IPCEF1: variants seen among roughly 807,000 people sequenced by gnomAD.
IPCEF1 encodes interactor protein for cytohesin exchange factors 1.
Under a neutral mutation model 50.9 loss-of-function variants are expected in IPCEF1, and 31 were observed. That is an observed-to-expected ratio of 0.61 (90% CI 0.46 to 0.82). The LOEUF is 0.82. IPCEF1 is among the 40% of genes least tolerant of loss of function. The probability of loss-of-function intolerance (pLI) is 0.00; values close to 1 mark genes in which losing one functional copy is unlikely to be tolerated. For missense variants in IPCEF1, 458 were observed against 514.0 expected, an observed-to-expected ratio of 0.89 and a Z score of 1.05; for synonymous variants, 181 against 192.0, an observed-to-expected ratio of 0.94 and a Z score of 0.47.
At chr6:154,256,359 A>G (rs1322685824) in intron 3 of IPCEF1, among the ~76,000 whole-genome samples, 1 of 152,164 alleles carries the variant, frequency 6.6e-6, no homozygotes, top group Non-Finnish European at 1.5e-5. Context: ...AAATCATTAC[A>G]TTGGGGATTA....
At chr6:154,176,904 A>G (rs1211619781) in intron 10 of IPCEF1, among the ~76,000 whole-genome samples, 2 of 152,258 alleles carry the variant, frequency 1.3e-5, no homozygotes, top group African/African-American at 2.4e-5. Context: ...ACAAGGCCAC[A>G]GTAACCAAAA....
At chr6:154,162,146 T>G (rs183973132) in intron 11 of IPCEF1, among the ~76,000 whole-genome samples, 19 of 152,240 alleles carry the variant, frequency 1.2e-4, no homozygotes, top group African/African-American at 4.6e-4. Context: ...TAAAGGCCAA[T>G]CCCTCCACTT....
intron 3 of IPCEF1, among the ~76,000 whole-genome samples, chr6:154,248,306 C>CGTGTGTGTGTGTGTGTGT (rs58415100): frequency 1.4e-5 from 2 of 147,242 alleles, no homozygotes; most frequent in African/African-American, 5.0e-5. Flanking sequence ...CTTTAAAATA[C>CGTGTGTGTGTGTGTGTGT]GTGTGTGTGT....
At chr6:154,273,050 G>A (rs1444164046) in intron 2 of IPCEF1, among the ~76,000 whole-genome samples, 1 of 152,206 alleles carries the variant, frequency 6.6e-6, no homozygotes, top group African/African-American at 2.4e-5. Flanking sequence ...GTGATTTAGA[G>A]ACGATTTTCC....
intron 9 of IPCEF1, among the ~76,000 whole-genome samples, chr6:154,202,886 A>G (rs1777186074): frequency 6.6e-6 from 1 of 152,218 alleles, no homozygotes; most frequent in Non-Finnish European, 1.5e-5. Context: ...AAGAAACACG[A>G]AGACTTGGAG....
At chr6:154,247,050 A>C (rs1477793433) in intron 4 of IPCEF1, 1 of 411,938 alleles carries the variant, frequency 2.4e-6, no homozygotes, top group Non-Finnish European at 4.3e-6. Context: ...TGCAAGTATT[A>C]GTCTAAGAAT....
At chr6:154,281,884 A>T (rs1244620739) in intron 2 of IPCEF1, among the ~76,000 whole-genome samples, 1 of 152,160 alleles carries the variant, frequency 6.6e-6, no homozygotes, top group Non-Finnish European at 1.5e-5. Context: ...CACACCTGTA[A>T]TCCCAGCTAC....
At chr6:154,261,468 C>T (rs765187359) in intron 3 of IPCEF1, among the ~76,000 whole-genome samples, 9 of 152,158 alleles carry the variant, frequency 5.9e-5, no homozygotes, top group Non-Finnish European at 1.3e-4. Flanking sequence ...GGGCCAGAGA[C>T]AAAAGCCCAG....
intron 3 of IPCEF1, chr6:154,247,783 T>C (rs964202506): frequency 6.2e-6 from 2 of 320,208 alleles, no homozygotes; most frequent in African/African-American, 4.3e-5. Context: ...GATAGCACAG[T>C]GTTCACGGAA....
At chr6:154,296,828 CA>C (rs200689361) in intron 1 of IPCEF1, among the ~76,000 whole-genome samples, 12,826 of 74,774 alleles carry the variant, frequency 0.17, 776 homozygotes, top group East Asian at 0.42. Flanking sequence ...GACTCCGTCT[CA>C]AAAAAAAAAA....
intron 5 of IPCEF1, among the ~76,000 whole-genome samples, chr6:154,231,868 C>A (rs1024645164): frequency 6.6e-6 from 1 of 152,002 alleles, no homozygotes; most frequent in Non-Finnish European, 1.5e-5. Context: ...AAGCAATTCT[C>A]GAAATTAAAA....
chr6:154,193,313 G>C (rs1802098313), intron 10 of IPCEF1, among the ~76,000 whole-genome samples: 1 of 152,174 alleles, frequency 6.6e-6, no homozygotes, highest in South Asian at 2.1e-4. Flanking sequence ...TGGGAGCTAA[G>C]CTATGAGGAT....
intron 9 of IPCEF1, among the ~76,000 whole-genome samples, chr6:154,202,218 T>C (rs1356123975): frequency 6.6e-6 from 1 of 152,136 alleles, no homozygotes; most frequent in East Asian, 1.9e-4. Flanking sequence ...TAATCACATA[T>C]CTTCTCAATA....
intron 1 of IPCEF1, among the ~76,000 whole-genome samples, chr6:154,340,464 T>G (rs1783887194): frequency 6.6e-6 from 1 of 151,718 alleles, no homozygotes; most frequent in African/African-American, 2.4e-5. Context: ...TTGGCCAGGC[T>G]AGTCTCAAAC....
intron 1 of IPCEF1, among the ~76,000 whole-genome samples, chr6:154,329,615 A>AAG (rs1008843548): frequency 6.6e-5 from 10 of 151,772 alleles, no homozygotes; most frequent in African/African-American, 2.2e-4. Context: ...AAAAGAAAGA[A>AAG]AGAGAGAGAG....
intron 10 of IPCEF1, among the ~76,000 whole-genome samples, chr6:154,172,290 G>A (rs1287735723): frequency 6.6e-6 from 1 of 152,222 alleles, no homozygotes; most frequent in Admixed American, 6.5e-5. Context: ...GGACTGGTTG[G>A]ACAGTGGGTG....
chr6:154,171,223 T>C (rs977480341), intron 10 of IPCEF1, among the ~76,000 whole-genome samples: 1 of 152,152 alleles, frequency 6.6e-6, no homozygotes, highest in Non-Finnish European at 1.5e-5. Flanking sequence ...TAAATGTTCA[T>C]CAGCTGATGA....
At chr6:154,243,557 G>A (rs1221445738) in intron 5 of IPCEF1, among the ~76,000 whole-genome samples, 4 of 152,318 alleles carry the variant, frequency 2.6e-5, no homozygotes, top group South Asian at 2.1e-4. Context: ...AGGCAATGAC[G>A]GAGAGAGAAA....
intron 1 of IPCEF1, among the ~76,000 whole-genome samples, chr6:154,336,574 C>T (rs1394481604): frequency 1.3e-5 from 2 of 152,002 alleles, no homozygotes; most frequent in African/African-American, 4.8e-5. Context: ...AATATACAAA[C>T]ATACAGTTAG....
Sources: allele counts gnomAD v4.1 joint callset (sites outside exome capture counted in the v4.1 genomes callset), GRCh38; gene constraint gnomAD v4.1.1; transcripts MANE v1.5; gene names NCBI Gene and HGNC (gene_info 2026-07-23, HGNC 2026-07-21).